XCR1: variants seen among roughly 807,000 people sequenced by gnomAD.
The protein encoded by XCR1 is X-C motif chemokine receptor 1, also known as chemokine XC receptor 1.
For synonymous variants in XCR1, 187 were observed against 188.5 expected (o/e 0.99, Z 0.06); for missense variants, 356 against 424.2 (o/e 0.84, Z 1.41).
chr3:46,059,017 T>C (rs969971816), intron 4 of XCR1, among the ~76,000 whole-genome samples: 2 of 152,198 alleles, frequency 1.3e-5, no homozygotes, highest in African/African-American at 4.8e-5. Flanking sequence ...AGCAGCCCTT[T>C]TACTGCTGTC....
chr3:46,059,827 G>A (rs578118861), intron 4 of XCR1, among the ~76,000 whole-genome samples: 55 of 152,278 alleles, frequency 3.6e-4, no homozygotes, highest in African/African-American at 8.4e-4. Flanking sequence ...TACAGCTATC[G>A]TCTATATTTA....
upstream of XCR1, among the ~76,000 whole-genome samples, chr3:46,029,943 A>C (rs1708367177): frequency 6.6e-6 from 1 of 152,138 alleles, no homozygotes; most frequent in African/African-American, 2.4e-5. Context: ...TTGTTTTGTT[A>C]ATTTCATTTT....
chr3:46,017,452 G>A lies in XCR1; in HGVS notation c.*3494C>T, dbSNP rs1329746911. On this transcript the variant is annotated 3_prime_UTR_variant, in exon 2 of 2. Coordinates refer to ENST00000309285, the MANE Select transcript of XCR1 (RefSeq NM_001024644.2). ...GACAAGTTCACAAGAAGCTCATGGG[G>A]TGAGTACCTGGTGTTGACCAGAAGA... The A allele has an allele frequency of 6.6e-6, 1 of 152,248 alleles. No homozygotes were observed. The highest frequency in any genetic ancestry group is 2.4e-5 in the African/African-American group (1 of 41,458). The allele number at this position is 152,248 out of a possible 1,614,324, so 9.4% of individuals were successfully genotyped here.
upstream of XCR1, among the ~76,000 whole-genome samples, chr3:46,031,749 A>G (rs1455559184): frequency 6.6e-6 from 1 of 152,208 alleles, no homozygotes; most frequent in Non-Finnish European, 1.5e-5. Context: ...ATGGCCACCC[A>G]TGGACTTTCT....
At chr3:46,027,756 T>C (rs1406986889), upstream of XCR1, 1 of 152,248 alleles carries the variant, frequency 6.6e-6, no homozygotes, top group East Asian at 1.9e-4. Flanking sequence ...TTCCACTCCT[T>C]TTTTGAACAT....
In XCR1 at chr3:46,021,134, A is replaced by C; in HGVS notation, c.814T>G (p.Cys272Gly). 6.2e-7 allele frequency: 1 copy of C among 1,614,274 alleles called. No homozygotes were observed. Among genetic ancestry groups the C allele is most frequent in the Non-Finnish European group, 8.5e-7 (1 of 1,180,048 alleles). Residue 272 changes from cysteine to glycine, a missense_variant, in exon 2 of 2, where the codon TGC becomes GGC. Physicochemically the swap from Cys to Gly is radical, Grantham distance 159. Transcript: ENST00000309285. This position sits in a 1 kb window ranked among gnomAD's most constrained non-coding sequence, Gnocchi z 4.7. Reference protein sequence around the residue: ...KQQLEYALLICRNLAFSHCCF... With the variant: ...KQQLEYALLIGRNLAFSHCCF... ...CAGTGGGAGAAGGCGAGGTTGCGGC[A>C]GATGAGCAGGGCGTATTCTAGCTGC...
Position 46,019,441 on chromosome 3 carries a change from A to T in XCR1, c.*1505T>A, listed in dbSNP as rs1375054691. 6.6e-6 allele frequency: 1 copy of T among 152,210 alleles called. No homozygotes were observed. The highest frequency in any genetic ancestry group is 1.5e-5 in the Non-Finnish European group (1 of 68,044). The allele number at this position is 152,210 out of a possible 1,614,324, so 9.4% of individuals were successfully genotyped here. A position where few individuals can be genotyped will look rare whatever the true frequency, so the allele number is the denominator to read the frequency against. The stretch of plus-strand genomic sequence containing the variant: ...CATTGCATGTGTGTAACTACAACAC[A>T]AGGTTGTTTTATTTTAGAGGGGACA... On this transcript the variant is annotated 3_prime_UTR_variant, in exon 2 of 2. Transcript: ENST00000309285.
chr3:46,040,775 T>G (rs1697526135), intron 5 of XCR1, among the ~76,000 whole-genome samples: 1 of 152,150 alleles, frequency 6.6e-6, no homozygotes, highest in Non-Finnish European at 1.5e-5. Context: ...GCTTGATTCT[T>G]TGGAAGAGTT....
At chr3:46,036,495 A>T (rs1697433568) in intron 5 of XCR1, among the ~76,000 whole-genome samples, 1 of 152,234 alleles carries the variant, frequency 6.6e-6, no homozygotes, top group South Asian at 2.1e-4. Context: ...ACAAAACAGA[A>T]CTCATAAATT....
At chr3:46,083,059 G>C (rs896850882) in intron 1 of XCR1, among the ~76,000 whole-genome samples, 1 of 152,140 alleles carries the variant, frequency 6.6e-6, no homozygotes, top group Non-Finnish European at 1.5e-5. Context: ...ATCCTAACCT[G>C]TTTGTCCTAT....
chr3:46,067,119 G>T (rs1303867912), intron 3 of XCR1, among the ~76,000 whole-genome samples: 1 of 152,172 alleles, frequency 6.6e-6, no homozygotes, highest in African/African-American at 2.4e-5. Flanking sequence ...GGTGCTGGGG[G>T]TTCAAAAAGG....
In XCR1 at chr3:46,020,932, C is replaced by T; in HGVS notation, c.*14G>A. 1 of 1,605,944 alleles carries T rather than the reference C, an allele frequency of 6.2e-7. No homozygotes were observed. Among genetic ancestry groups the T allele is most frequent in the Non-Finnish European group, 8.5e-7 (1 of 1,175,966 alleles). On this transcript the variant is annotated 3_prime_UTR_variant, in exon 2 of 2. Coordinates refer to ENST00000309285, the MANE Select transcript of XCR1 (RefSeq NM_001024644.2). ...CTGTCCACCTGCACCTGCGCCTGCA[C>T]CGCCACAGGCCCCTCAGTAGAAGGA... is the stretch of plus-strand genomic sequence containing the variant.
At chr3:46,071,528 A>G (rs181034895) in intron 3 of XCR1, among the ~76,000 whole-genome samples, 1 of 152,328 alleles carries the variant, frequency 6.6e-6, no homozygotes, top group Non-Finnish European at 1.5e-5. Flanking sequence ...ACAGAGCAAC[A>G]TTCCCCGTGA....
intron 5 of XCR1, among the ~76,000 whole-genome samples, chr3:46,051,118 G>A (rs551439601): frequency 7.9e-5 from 12 of 152,170 alleles, no homozygotes; most frequent in African/African-American, 2.4e-4. Flanking sequence ...AATGACCCCC[G>A]TCAGAAATTC....
intron 5 of XCR1, among the ~76,000 whole-genome samples, chr3:46,041,289 C>T (rs1431283886): frequency 3.3e-5 from 5 of 152,114 alleles, no homozygotes; most frequent in Non-Finnish European, 7.3e-5. Context: ...CGAGAGGTTC[C>T]AGCAAAGCCA....
rs1323070210 is a variant in XCR1, at chr3:46,042,162, G to A, written c.-32+11758C>T. Among the ~76,000 whole-genome samples the A allele has an allele frequency of 7.2e-5, 11 of 152,186 alleles. No homozygotes were observed. The East Asian group carries it at 1.9e-3, about 27-fold the overall frequency. ...CGCATGTCAAAACTTATGTGATGCTGCTTTTAAAGCAGTGCTCAGAGGGAA... is the reference window on the plus strand; with the variant it reads ...CGCATGTCAAAACTTATGTGATGCTACTTTTAAAGCAGTGCTCAGAGGGAA... On this transcript the variant is annotated intron_variant, in intron 5 of 5. Transcript: ENST00000683768.
At chr3:46,063,901 G>A (rs764835844) in intron 4 of XCR1, among the ~76,000 whole-genome samples, 6 of 152,040 alleles carry the variant, frequency 3.9e-5, no homozygotes, top group African/African-American at 9.7e-5. Flanking sequence ...ACAGGGCCTC[G>A]CTCTGCCACC....
intron 5 of XCR1, among the ~76,000 whole-genome samples, chr3:46,036,336 T>C (rs1247745691): frequency 6.6e-6 from 1 of 152,186 alleles, no homozygotes; most frequent in African/African-American, 2.4e-5. Context: ...AAAATTTTGG[T>C]TCACACCCTA....
In XCR1 at chr3:46,021,208, A is replaced by C. The variant is rs1417521941; in HGVS notation, c.740T>G (p.Leu247Arg). The C allele has an allele frequency of 6.2e-7, 1 of 1,614,126 alleles. No homozygotes were observed. The highest frequency in any genetic ancestry group is 8.5e-7 in the Non-Finnish European group (1 of 1,180,034). Residue 247 changes from leucine to arginine, a missense_variant, in exon 2 of 2, where the codon CTG (leucine) becomes CGG (arginine). Leu to Arg is a moderately radical substitution (Grantham distance 102, BLOSUM62 -2). Transcript: ENST00000309285. The surrounding 1 kb of genome is among the most constrained non-coding windows in gnomAD (Gnocchi z 4.7). ...GATCTGGGTCCGAAACAGCGTCTGC[A>C]GAAACAGGGTGAAGTTGTAGGGACC... Reference protein sequence around the residue: ...SWGPYNFTLFLQTLFRTQIIR... With the variant: ...SWGPYNFTLFRQTLFRTQIIR...
Sources: gnomAD v4.1 joint callset for allele counts (sites outside exome capture counted in the v4.1 genomes callset) on GRCh38, gnomAD v4.1.1 for gene constraint, Gnocchi (gnomAD v3.1) non-coding constraint, MANE v1.5 for transcripts, NCBI Gene and HGNC (gene_info 2026-07-23, HGNC 2026-07-21) for gene names.